C8A: variants seen among roughly 807,000 people sequenced by gnomAD.
C8A encodes the protein complement C8 alpha chain, also known as complement component C8 alpha chain.
A neutral mutation model predicts 65.3 loss-of-function variants in C8A; 67 were observed. That is an observed-to-expected ratio of 1.03 (90% CI 0.84 to 1.26). C8A has a LOEUF of 1.26. C8A is among the 50% of genes most tolerant of loss of function. C8A has a pLI of 0.00. For synonymous variants in C8A, 290 were observed against 259.4 expected (o/e 1.12, Z -1.13); for missense variants, 781 against 723.9 (o/e 1.08, Z -0.90).
At position 56,906,729 on chromosome 1, in the gene C8A, A is replaced by G. The variant is rs775293822; in HGVS notation, c.1159A>G (p.Lys387Glu). 1.8e-5 allele frequency: 29 copies of G among 1,614,038 alleles called. No homozygotes were observed. The East Asian group carries it at 6.2e-4, about 35-fold the overall frequency. The change falls in exon 8 of 11, where the codon AAA (lysine) becomes GAA (glutamate). Residue 387 changes from lysine to glutamate, a missense_variant. Transcript: ENST00000361249. The stretch of plus-strand genomic sequence containing the variant: ...CTCCTTGGGCATTCAATATGAAGAC[A>G]AAATAAATGTTGGTGGAGGTTTATC... ...GGSLGIQYED[K>E]INVGGGLSGD...
intron 4 of C8A, among the ~76,000 whole-genome samples, chr1:56,876,569 T>C (rs112684155): frequency 1.3e-5 from 2 of 152,120 alleles, no homozygotes; most frequent in African/African-American, 4.8e-5. Context: ...GCCTTTCCAA[T>C]AGCCCTGTTC....
Position 56,885,991 on chromosome 1 carries a change from A to G in C8A, c.920A>G (p.Asp307Gly), listed in dbSNP as rs754376076. The stretch of plus-strand genomic sequence containing the variant: ...GCACATTTTAAGATGAGGAAGGATG[A>G]CATTATGCTGGATGAAGGAATGCTG... ...QTAHFKMRKD[D>G]IMLDEGMLQS... The change falls in exon 7 of 11, where the codon GAC (aspartate) becomes GGC (glycine). Residue 307 changes from aspartate (D) to glycine (G), a missense_variant. Transcript: ENST00000361249. The G allele has an allele frequency of 6.2e-7, 1 of 1,614,072 alleles. No individual in the cohort carries two copies. The highest frequency in any genetic ancestry group is 8.5e-7 in the Non-Finnish European group (1 of 1,179,938).
chr1:56,871,476 C>A (rs1487659489), intron 2 of C8A, among the ~76,000 whole-genome samples: 1 of 152,144 alleles, frequency 6.6e-6, no homozygotes, highest in Admixed American at 6.5e-5. Flanking sequence ...ATATCAGAAA[C>A]CAGGCAAATT....
rs1476508924 is a variant in C8A at position 56,854,827 on chromosome 1, C to T, written c.-75C>T. On this transcript the variant is annotated 5_prime_UTR_variant, in exon 1 of 11. Coordinates refer to ENST00000361249, the MANE Select transcript of C8A (RefSeq NM_000562.3). ...GATCTTACAGGTCCCAGCCTGTAGA[C>T]ATCTTTTACTCCAATTTCCTGAATA... 1.7e-5 allele frequency: 21 copies of T among 1,261,436 alleles called. No individual in the cohort carries two copies. The highest frequency in any genetic ancestry group is 2.5e-5 in the South Asian group (2 of 79,532). 78.1% of individuals were successfully genotyped at this position (1,261,436 alleles called of 1,614,324 possible).
intron 3 of C8A, 148 bp downstream of exon 3, chr1:56,875,241 G>A (rs1644187396): frequency 2.4e-6 from 2 of 832,734 alleles, no homozygotes; most frequent in South Asian, 1.5e-5. Context: ...CTAGGAATCT[G>A]CATTTTAAGC....
chr1:56,894,685 C>T (rs1644374905), intron 7 of C8A, among the ~76,000 whole-genome samples: 1 of 152,172 alleles, frequency 6.6e-6, no homozygotes, highest in Non-Finnish European at 1.5e-5. Context: ...TCCCTCCCTG[C>T]CTTCCTGTAT....
At chr1:56,859,876 A>C (rs1008142334) in intron 1 of C8A, among the ~76,000 whole-genome samples, 1 of 152,150 alleles carries the variant, frequency 6.6e-6, no homozygotes, top group African/African-American at 2.4e-5. Flanking sequence ...ATCCTGACCA[A>C]CATGGTGAAA....
intron 6 of C8A, among the ~76,000 whole-genome samples, 187 bp from the exon 7 acceptor site, chr1:56,885,740 C>T (rs1424427319): frequency 9.2e-5 from 14 of 151,468 alleles, no homozygotes; most frequent in African/African-American, 1.7e-4. Context: ...TTAGTAGAGA[C>T]GGGGTTTCAC....
At chr1:56,875,911 TA>T (rs1293755765) in intron 3 of C8A, 150 bp from the exon 4 acceptor site, 5 of 1,080,062 alleles carry the variant, frequency 4.6e-6, no homozygotes, top group Non-Finnish European at 6.8e-6. Context: ...AGGAGCTCAT[TA>T]GGCTGGAAGG....
In C8A at chr1:56,884,915, A is replaced by C. The variant is rs1365510813; in HGVS notation, c.856-1012A>C. Among the ~76,000 whole-genome samples the C allele has an allele frequency of 2.0e-5, 3 of 152,108 alleles. No individual in the cohort carries two copies. The East Asian group carries it at 5.8e-4, about 29-fold the overall frequency. ...CTATAGGCATTGTAGATCTTTGCTC[A>C]ATAACTTCAATTGAATGACATTTCA... On this transcript the variant is annotated intron_variant, in intron 6 of 10. Transcript: ENST00000361249.
intron 2 of C8A, 129 bp from the exon 3 acceptor site, chr1:56,874,820 A>T (rs1437627440): frequency 4.9e-6 from 5 of 1,029,980 alleles, no homozygotes; most frequent in African/African-American, 1.6e-5. Context: ...CCCTCAAAAG[A>T]CAGCTTCACA....
At chr1:56,898,348 C>T (rs536585155) in intron 7 of C8A, among the ~76,000 whole-genome samples, 11 of 152,010 alleles carry the variant, frequency 7.2e-5, no homozygotes, top group East Asian at 5.8e-4. Flanking sequence ...AGAGCCTCTG[C>T]GTCTGGAAAA....
intron 1 of C8A, among the ~76,000 whole-genome samples, chr1:56,856,934 T>C (rs1417630184): frequency 6.6e-6 from 1 of 152,092 alleles, no homozygotes; most frequent in African/African-American, 2.4e-5. Flanking sequence ...AATCTGTGGG[T>C]CTCTATTACA....
chr1:56,856,360 A>G (rs1643975134), intron 1 of C8A, among the ~76,000 whole-genome samples: 2 of 152,166 alleles, frequency 1.3e-5, no homozygotes, highest in African/African-American at 2.4e-5. Context: ...AATTAAATGC[A>G]TGAAAGTACT....
intron 7 of C8A, among the ~76,000 whole-genome samples, chr1:56,899,255 T>C (rs1447187905): frequency 6.6e-6 from 1 of 152,208 alleles, no homozygotes; most frequent in Non-Finnish European, 1.5e-5. Flanking sequence ...AACAGCTTCA[T>C]ACTTAAAGGA....
intron 7 of C8A, among the ~76,000 whole-genome samples, chr1:56,900,515 A>G (rs1362346386): frequency 6.6e-6 from 1 of 152,114 alleles, no homozygotes; most frequent in Non-Finnish European, 1.5e-5. Flanking sequence ...CAGAGGTTAC[A>G]CTCTTAACCA....
At chr1:56,896,006 G>A (rs376168377) in intron 7 of C8A, among the ~76,000 whole-genome samples, 1 of 151,998 alleles carries the variant, frequency 6.6e-6, no homozygotes, top group Non-Finnish European at 1.5e-5. Context: ...GATGTAAAAT[G>A]TATTTCTTAC....
At chr1:56,864,628 C>T (rs534218982) in intron 1 of C8A, among the ~76,000 whole-genome samples, 2 of 151,994 alleles carry the variant, frequency 1.3e-5, no homozygotes, top group South Asian at 2.1e-4. Context: ...AAGGAGCAAC[C>T]GAGCAACCAG....
chr1:56,881,994 A>G (rs1644252385), intron 5 of C8A, among the ~76,000 whole-genome samples: 1 of 152,160 alleles, frequency 6.6e-6, no homozygotes, highest in South Asian at 2.1e-4. Context: ...CCAGTTTTCT[A>G]ATCTGTAGAG....
Sources: allele counts gnomAD v4.1 joint callset (sites outside exome capture counted in the v4.1 genomes callset), GRCh38; gene constraint gnomAD v4.1.1; transcripts MANE v1.5; gene names NCBI Gene and HGNC (gene_info 2026-07-23, HGNC 2026-07-21).